Variants in ZNF90 observed in about 807,000 individuals in gnomAD.
The protein encoded by ZNF90 is zinc finger protein 90.
ZNF90 carries 11 observed loss-of-function variants against 12.0 expected under a neutral mutation model. The ratio of observed to expected loss-of-function variants is 0.92; its 90% CI spans 0.58 to 1.52. ZNF90 has a LOEUF of 1.52. Among genes scored for constraint, ZNF90 ranks in the 40% most tolerant of loss-of-function variants. The pLI, the probability that ZNF90 is intolerant of heterozygous loss-of-function variation, is 0.00. For synonymous variants in ZNF90, 232 were observed against 240.1 expected, an observed-to-expected ratio of 0.97 and a Z score of 0.31; for missense variants, 765 against 711.5, an observed-to-expected ratio of 1.08 and a Z score of -0.86.
rs187184964 is a variant in ZNF90 at position 20,089,521 on chromosome 19, T to C, written c.3+11386T>C. ...AACATCGAGAAGGTAAAAGATTACC[T>C]AGGGGAATTCCAGTGGGTCTTTGCG... On this transcript the variant is annotated intron_variant, in intron 1 of 3. Coordinates refer to ENST00000418063, the MANE Select transcript of ZNF90 (RefSeq NM_007138.2). Among the ~76,000 whole-genome samples the C allele has an allele frequency of 3.0e-3, 454 of 152,248 alleles. 3 individuals carry two copies. The highest frequency in any genetic ancestry group is 0.011 in the African/African-American group (437 of 41,534).
intron 1 of ZNF90, among the ~76,000 whole-genome samples, chr19:20,101,680 ACCTTTAAAGG>A (rs1555703912): frequency 2.0e-5 from 3 of 152,118 alleles, no homozygotes; most frequent in Non-Finnish European, 2.9e-5. Flanking sequence ...TGGCACTGAC[ACCTTTAAAGG>A]CATATTCTCC....
chr19:20,092,569 G>C (rs983613408), intron 1 of ZNF90, among the ~76,000 whole-genome samples: 4 of 152,152 alleles, frequency 2.6e-5, no homozygotes, highest in African/African-American at 4.8e-5. Context: ...GGTCAGCTAG[G>C]TTTCCTTTTG....
chr19:20,096,650 A>G (rs1327449748), intron 1 of ZNF90, among the ~76,000 whole-genome samples: 2 of 152,136 alleles, frequency 1.3e-5, no homozygotes, highest in African/African-American at 2.4e-5. Flanking sequence ...TCTGTGGTGG[A>G]ATGTCATCAG....
intron 1 of ZNF90, chr19:20,079,659 G>C (rs2088805428): frequency 6.4e-6 from 1 of 156,242 alleles, no homozygotes; most frequent in South Asian, 1.9e-4. Flanking sequence ...TCTGAAATCA[G>C]CATGTTCTTA....
At chr19:20,078,493 C>A (rs1028783007) in intron 1 of ZNF90, among the ~76,000 whole-genome samples, 11 of 152,022 alleles carry the variant, frequency 7.2e-5, no homozygotes, top group African/African-American at 2.4e-4. Context: ...ATGGGGTTGA[C>A]AGTTTCTCTT....
At position 20,094,376 on chromosome 19, in the gene ZNF90, C is replaced by A. The variant is rs757119268; in HGVS notation, c.4-9863C>A. Reference sequence around the variant, plus strand: ...AAAATGCATATTGAGAATAAGGCGGCCTTCTGGCCCCTCTGGGTCTAGGGC... The same window carrying A: ...AAAATGCATATTGAGAATAAGGCGGACTTCTGGCCCCTCTGGGTCTAGGGC... On this transcript the variant is annotated intron_variant, in intron 1 of 3. Transcript: ENST00000418063. Among the ~76,000 whole-genome samples, 34 of 152,306 alleles carry A rather than the reference C, an allele frequency of 2.2e-4. No homozygotes were observed. The Middle Eastern group carries it at 0.014, about 61-fold the overall frequency.
intron 3 of ZNF90, among the ~76,000 whole-genome samples, chr19:20,116,264 G>A (rs113880507): frequency 5.3e-5 from 8 of 152,222 alleles, no homozygotes; most frequent in African/African-American, 1.9e-4. Flanking sequence ...TCCCCTCCCA[G>A]GTTCAAGCAA....
chr19:20,105,386 G>T, intron 3 of ZNF90, 70 bp downstream of exon 3: 2 of 1,269,496 alleles, frequency 1.6e-6, no homozygotes, highest in Non-Finnish European at 1.1e-6. Flanking sequence ...GAGAAAGCCG[G>T]TCCTTAAAAT....
intron 1 of ZNF90, among the ~76,000 whole-genome samples, chr19:20,096,419 A>G (rs1203224205): frequency 1.3e-5 from 2 of 152,150 alleles, no homozygotes; most frequent in African/African-American, 2.4e-5. Context: ...AGGTGGGCTG[A>G]TTCCGAAAAG....
At position 20,118,657 on chromosome 19, in the gene ZNF90, C is replaced by A. The variant is rs368765193; in HGVS notation, c.1103C>A (p.Pro368His). 8 of 1,568,252 alleles carry A rather than the reference C, an allele frequency of 5.1e-6. No homozygotes were observed. Among genetic ancestry groups the A allele is most frequent in the Non-Finnish European group, 6.9e-6 (8 of 1,157,584 alleles). The stretch of plus-strand genomic sequence containing the variant: ...AAGAGAATTCATACTGGAGAGAAAC[C>A]CTACAAGTGTGATAAATGTGGCAAA... ...THKRIHTGEKPYKCDKCGKAF... is the reference protein window; with the variant it reads ...THKRIHTGEKHYKCDKCGKAF... The change falls in exon 4 of 4, where the codon CCC (proline) becomes CAC (histidine). Residue 368 changes from proline to histidine, a missense_variant. By Grantham distance (77) the Pro-to-His change is moderately conservative (BLOSUM62 -2). Coordinates refer to ENST00000418063, the MANE Select transcript of ZNF90 (RefSeq NM_007138.2).
At position 20,120,850 on chromosome 19, in the gene ZNF90, GTTACT is replaced by G. The variant is rs1369126726; in HGVS notation, c.*1494_*1498del. On this transcript the variant is annotated 3_prime_UTR_variant, in exon 4 of 4. Transcript: ENST00000418063. ...GTAATAGAGCTTTCAAATTTATGCT[GTTACT>G]TTATTTCTATTCACATGTGAAAGCA... The G allele has an allele frequency of 1.3e-5, 2 of 152,100 alleles. No individual in the cohort carries two copies. The highest frequency in any genetic ancestry group is 4.8e-5 in the African/African-American group (2 of 41,416). The allele number at this position is 152,100 out of a possible 1,614,324, so 9.4% of individuals were successfully genotyped here.
chr19:20,108,950 C>G (rs2089063182), intron 3 of ZNF90, among the ~76,000 whole-genome samples: 1 of 151,470 alleles, frequency 6.6e-6, no homozygotes, highest in Non-Finnish European at 1.5e-5. Flanking sequence ...GTCTCGAGCT[C>G]CTGACCTCGT....
intron 1 of ZNF90, among the ~76,000 whole-genome samples, chr19:20,099,571 C>CTTT (rs2088973932): frequency 1.3e-5 from 2 of 152,198 alleles, no homozygotes; most frequent in South Asian, 4.1e-4. Context: ...TAGCCTTACT[C>CTTT]TTTTGTCTTG....
At chr19:20,100,613 C>T (rs181556919) in intron 1 of ZNF90, among the ~76,000 whole-genome samples, 29 of 152,204 alleles carry the variant, frequency 1.9e-4, no homozygotes, top group Admixed American at 1.2e-3. Context: ...CCTACTACAC[C>T]GCAATTCAGC....
chr19:20,100,647 T>G (rs1555703774), intron 1 of ZNF90, among the ~76,000 whole-genome samples: 2 of 152,146 alleles, frequency 1.3e-5, no homozygotes, highest in African/African-American at 4.8e-5. Context: ...GAGCAGTCAT[T>G]GGCCAACCTC....
chr19:20,111,694 T>G (rs1025006069), intron 3 of ZNF90, among the ~76,000 whole-genome samples: 12 of 152,160 alleles, frequency 7.9e-5, no homozygotes, highest in Non-Finnish European at 1.5e-4. Context: ...CTATAAATTT[T>G]ATCTTTGTAA....
At chr19:20,083,252 T>A (rs554913605) in intron 1 of ZNF90, among the ~76,000 whole-genome samples, 1 of 152,126 alleles carries the variant, frequency 6.6e-6, no homozygotes, top group South Asian at 2.1e-4. Flanking sequence ...CAGTCTCTAG[T>A]CCCACCCGAT....
intron 3 of ZNF90, among the ~76,000 whole-genome samples, chr19:20,110,077 CAA>C (rs2089073743): frequency 6.6e-6 from 1 of 152,098 alleles, no homozygotes; most frequent in Non-Finnish European, 1.5e-5. Context: ...TCAAGTGACA[CAA>C]TATTCTCAAT....
intron 1 of ZNF90, among the ~76,000 whole-genome samples, chr19:20,094,131 G>T (rs111810330): frequency 6.6e-6 from 1 of 152,220 alleles, no homozygotes; most frequent in Non-Finnish European, 1.5e-5. Flanking sequence ...GACTGCTGTG[G>T]CTTAGGCATT....
Sources: gnomAD v4.1 joint callset for allele counts (sites outside exome capture counted in the v4.1 genomes callset) on GRCh38, gnomAD v4.1.1 for gene constraint, MANE v1.5 for transcripts, NCBI Gene and HGNC (gene_info 2026-07-23, HGNC 2026-07-21) for gene names.